The following PSD3 variants were observed in gnomAD, a reference collection of about 807,000 sequenced individuals.
The protein encoded by PSD3 is PH and SEC7 domain-containing protein 3.
PSD3 carries 49 observed loss-of-function variants against 105.5 expected under a neutral mutation model. The ratio of observed to expected loss-of-function variants is 0.46; its 90% CI spans 0.37 to 0.59. The LOEUF (loss-of-function observed/expected upper bound fraction) is 0.59, where lower values mean the gene tolerates loss of function less well. Ranked by LOEUF, PSD3 falls within the 20% of genes least tolerant of loss-of-function variation. PSD3 has a pLI of 0.00. For missense variants in PSD3, 1,561 were observed against 1,263.8 expected (o/e 1.24, Z -3.57); for synonymous variants, 557 against 457.8 (o/e 1.22, Z -2.77).
intron 4 of PSD3, among the ~76,000 whole-genome samples, chr8:18,840,787 C>A (rs534920115): frequency 6.6e-6 from 1 of 152,108 alleles, no homozygotes; most frequent in African/African-American, 2.4e-5. Context: ...GATTCACAGA[C>A]AGCAGTCAGA....
At chr8:18,629,432 AG>A (rs1189312192) in intron 11 of PSD3, among the ~76,000 whole-genome samples, 1 of 152,070 alleles carries the variant, frequency 6.6e-6, no homozygotes, top group Non-Finnish European at 1.5e-5. Context: ...TATTTATAAC[AG>A]TTCAAAACTG....
chr8:18,602,253 G>T (rs557793413), intron 11 of PSD3, among the ~76,000 whole-genome samples: 3 of 152,044 alleles, frequency 2.0e-5, no homozygotes, highest in African/African-American at 7.2e-5. Flanking sequence ...CCAAGTACAT[G>T]TTTACAAAAT....
intron 8 of PSD3, among the ~76,000 whole-genome samples, chr8:18,773,445 T>C (rs1432330852): frequency 1.3e-5 from 2 of 152,168 alleles, no homozygotes; most frequent in African/African-American, 4.8e-5. Context: ...TTTTCAAAAC[T>C]GTTATGATTA....
intron 8 of PSD3, among the ~76,000 whole-genome samples, chr8:18,779,045 T>C (rs914490043): frequency 6.6e-5 from 10 of 152,198 alleles, no homozygotes; most frequent in African/African-American, 2.4e-4. Context: ...ATCTTCTTTG[T>C]AAGTTTGTAG....
At chr8:18,825,151 G>T (rs1481617500) in intron 4 of PSD3, among the ~76,000 whole-genome samples, 2 of 152,004 alleles carry the variant, frequency 1.3e-5, no homozygotes, top group East Asian at 3.9e-4. Flanking sequence ...GAACTACATG[G>T]GAAATTGTTA....
intron 12 of PSD3, among the ~76,000 whole-genome samples, chr8:18,581,692 C>A (rs1802829124): frequency 6.6e-6 from 1 of 152,132 alleles, no homozygotes; most frequent in Non-Finnish European, 1.5e-5. Flanking sequence ...GCTTTTTCAC[C>A]AGGTGATTTT....
intron 1 of PSD3, among the ~76,000 whole-genome samples, chr8:19,081,542 A>G (rs1290053766): frequency 6.6e-6 from 1 of 152,212 alleles, no homozygotes; most frequent in Non-Finnish European, 1.5e-5. Flanking sequence ...GTGGGGTGAT[A>G]ATAACATACA....
chr8:18,875,041 G>C (rs918389195), intron 2 of PSD3, among the ~76,000 whole-genome samples: 1 of 151,946 alleles, frequency 6.6e-6, no homozygotes, highest in African/African-American at 2.4e-5. Flanking sequence ...CCAGCCTCTC[G>C]GGTAGCTGGG....
At chr8:18,545,382 G>T (rs779500019) in intron 15 of PSD3, among the ~76,000 whole-genome samples, 1 of 152,028 alleles carries the variant, frequency 6.6e-6, no homozygotes, top group Non-Finnish European at 1.5e-5. Flanking sequence ...GCTTGGCCTT[G>T]TGATGGTTTT....
chr8:18,817,178 TCAAAATTAACTGCCGATTCTC>T (rs1812285684), intron 4 of PSD3, among the ~76,000 whole-genome samples: 1 of 152,180 alleles, frequency 6.6e-6, no homozygotes. Context: ...CTTGGAAGCT[TCAAAATTAACTGCCGATTCTC>T]CAACTTCCAC....
At chr8:18,942,772 A>G (rs1822632781) in intron 1 of PSD3, among the ~76,000 whole-genome samples, 3 of 152,216 alleles carry the variant, frequency 2.0e-5, no homozygotes, top group Admixed American at 2.0e-4. Flanking sequence ...CTAGAACTGT[A>G]AGAAAATTAA....
chr8:18,539,289 T>C (rs1199015773), intron 15 of PSD3, among the ~76,000 whole-genome samples: 3 of 152,226 alleles, frequency 2.0e-5, no homozygotes, highest in African/African-American at 7.2e-5. Flanking sequence ...AATGATGCTC[T>C]GGAGAGCAAG....
intron 9 of PSD3, among the ~76,000 whole-genome samples, chr8:18,675,752 A>G (rs1238197980): frequency 6.6e-6 from 1 of 152,240 alleles, no homozygotes; most frequent in Non-Finnish European, 1.5e-5. Flanking sequence ...AAAGCTTAAA[A>G]ATCTTAATTA....
chr8:18,566,449 C>G (rs1405400459), intron 14 of PSD3, among the ~76,000 whole-genome samples: 1 of 150,828 alleles, frequency 6.6e-6, no homozygotes, highest in African/African-American at 2.4e-5. Context: ...TGGCATGAAC[C>G]CGGGAGGTGG....
chr8:19,035,465 T>A (rs1417199100), intron 1 of PSD3, among the ~76,000 whole-genome samples: 1 of 152,190 alleles, frequency 6.6e-6, no homozygotes, highest in Non-Finnish European at 1.5e-5. Flanking sequence ...ACCAATTTAT[T>A]TTCCATTAAT....
chr8:18,780,230 T>A (rs1453893989), intron 8 of PSD3, among the ~76,000 whole-genome samples: 1 of 152,224 alleles, frequency 6.6e-6, no homozygotes, highest in East Asian at 1.9e-4. Flanking sequence ...CTAGTGTAGC[T>A]ACTCATGCTT....
At chr8:18,861,651 G>C (rs748194546) in intron 4 of PSD3, among the ~76,000 whole-genome samples, 1 of 152,110 alleles carries the variant, frequency 6.6e-6, no homozygotes, top group Non-Finnish European at 1.5e-5. Flanking sequence ...ATGTGTCCTA[G>C]AGTCAAACAT....
intron 2 of PSD3, among the ~76,000 whole-genome samples, chr8:18,899,197 G>A (rs1235649781): frequency 6.6e-6 from 1 of 152,108 alleles, no homozygotes; most frequent in African/African-American, 2.4e-5. Context: ...TTCATCTTCT[G>A]TTAACTTCTC....
At chr8:18,852,869 G>A (rs1030915119) in intron 4 of PSD3, among the ~76,000 whole-genome samples, 4 of 152,060 alleles carry the variant, frequency 2.6e-5, no homozygotes, top group East Asian at 3.9e-4. Context: ...AGAGCAGAAG[G>A]AACTATGGTA....
Sources: gnomAD v4.1 joint callset for allele counts (sites outside exome capture counted in the v4.1 genomes callset) on GRCh38, gnomAD v4.1.1 for gene constraint, MANE v1.5 for transcripts, NCBI Gene and HGNC (gene_info 2026-07-23, HGNC 2026-07-21) for gene names.